The following PKP4 variants were observed in gnomAD, a reference collection of about 807,000 sequenced individuals.
PKP4 encodes the protein plakophilin-4.
A neutral mutation model predicts 145.1 loss-of-function variants in PKP4; 90 were observed. The observed-to-expected ratio is 0.62, with a 90% CI of 0.52 to 0.74. PKP4 has a LOEUF of 0.74. Among genes scored for constraint, PKP4 ranks in the 30% least tolerant of loss-of-function variants. The pLI is 0.00. For missense variants in PKP4, 1,340 were observed against 1,482.7 expected, an observed-to-expected ratio of 0.90 and a Z score of 1.58; for synonymous variants, 563 against 577.2, an observed-to-expected ratio of 0.98 and a Z score of 0.35.
At chr2:158,641,805 A>G (rs1397743204) in intron 10 of PKP4, among the ~76,000 whole-genome samples, 2 of 152,204 alleles carry the variant, frequency 1.3e-5, no homozygotes, top group African/African-American at 2.4e-5. Flanking sequence ...ATTATTTCCT[A>G]TATTGCCTCA....
chr2:158,675,267 G>A lies in PKP4; in HGVS notation c.3127+1267G>A, dbSNP rs376966578. On this transcript the variant is annotated intron_variant, in intron 19 of 21. Coordinates refer to ENST00000389759, the MANE Select transcript of PKP4 (RefSeq NM_003628.6). ...TTTATGCGTCCCAGGATGGCTTTGC[G>A]GCCCAACACAAATTTGTAAATTTTC... 6.3e-4 allele frequency among the ~76,000 whole-genome samples: 95 copies of A among 151,918 alleles called. 1 individual carries two copies. The highest frequency in any genetic ancestry group is 2.7e-3 in the South Asian group (13 of 4,788).
intron 3 of PKP4, among the ~76,000 whole-genome samples, chr2:158,583,182 CT>C (rs1287396685): frequency 6.6e-6 from 1 of 152,118 alleles, no homozygotes; most frequent in African/African-American, 2.4e-5. Flanking sequence ...GGGACTTGTT[CT>C]TTTATTCCCT....
chr2:158,610,583 A>G (rs1451701076), intron 4 of PKP4, among the ~76,000 whole-genome samples: 1 of 152,190 alleles, frequency 6.6e-6, no homozygotes, highest in Non-Finnish European at 1.5e-5. Context: ...TATGCTACCC[A>G]TCAGAAAGAA....
At chr2:158,630,367 T>C (rs910722283) in intron 7 of PKP4, among the ~76,000 whole-genome samples, 5 of 152,250 alleles carry the variant, frequency 3.3e-5, no homozygotes, top group African/African-American at 4.8e-5. Context: ...ACTACTAACT[T>C]TGTACTTTTT....
chr2:158,541,436 G>A (rs1258116503), intron 2 of PKP4, among the ~76,000 whole-genome samples: 1 of 152,064 alleles, frequency 6.6e-6, no homozygotes, highest in Non-Finnish European at 1.5e-5. Flanking sequence ...GTAGTTCAAA[G>A]ACAAATCTAT....
intron 1 of PKP4, among the ~76,000 whole-genome samples, chr2:158,470,554 TA>T (rs1219345580): frequency 1.3e-5 from 2 of 152,200 alleles, no homozygotes; most frequent in Non-Finnish European, 2.9e-5. Flanking sequence ...CAACACAATC[TA>T]ATTCATTATT....
chr2:158,475,215 C>G (rs1250882159), intron 1 of PKP4, among the ~76,000 whole-genome samples: 1 of 152,134 alleles, frequency 6.6e-6, no homozygotes, highest in Non-Finnish European at 1.5e-5. Context: ...CCATTTGAAA[C>G]GCCAAGGACC....
intron 1 of PKP4, among the ~76,000 whole-genome samples, chr2:158,522,236 C>T (rs1478065267): frequency 1.3e-5 from 2 of 152,106 alleles, no homozygotes; most frequent in African/African-American, 4.8e-5. Context: ...TTTGCCATCT[C>T]TGGAAGATTT....
chr2:158,515,255 C>T (rs2041840045), intron 1 of PKP4, among the ~76,000 whole-genome samples: 1 of 152,138 alleles, frequency 6.6e-6, no homozygotes, highest in African/African-American at 2.4e-5. Flanking sequence ...CTAAAACTTG[C>T]ACCTGGCCTG....
intron 13 of PKP4, 130 bp from the exon 14 acceptor site, chr2:158,662,767 T>A: frequency 1.5e-6 from 1 of 670,496 alleles, no homozygotes; most frequent in Non-Finnish European, 2.4e-6. Flanking sequence ...TCAGATTGTT[T>A]CAAGTTCTCA....
intron 1 of PKP4, among the ~76,000 whole-genome samples, chr2:158,516,808 C>A (rs2041975672): frequency 6.6e-6 from 1 of 151,930 alleles, no homozygotes; most frequent in African/African-American, 2.4e-5. Flanking sequence ...ATTACAGGCA[C>A]TTGCCACCAT....
chr2:158,598,684 G>A (rs2049977303), intron 3 of PKP4, among the ~76,000 whole-genome samples: 1 of 152,138 alleles, frequency 6.6e-6, no homozygotes, highest in Admixed American at 6.5e-5. Flanking sequence ...GAGGAGAATG[G>A]TGTGAACCTG....
intron 1 of PKP4, among the ~76,000 whole-genome samples, chr2:158,473,945 A>G (rs1174338675): frequency 6.6e-6 from 1 of 152,196 alleles, no homozygotes; most frequent in Non-Finnish European, 1.5e-5. Context: ...AGGAAAGGGG[A>G]GGACTCTGAT....
chr2:158,630,813 A>T (rs2053273671), intron 7 of PKP4, among the ~76,000 whole-genome samples: 1 of 152,248 alleles, frequency 6.6e-6, no homozygotes, highest in Admixed American at 6.5e-5. Flanking sequence ...TCTCTGTTTG[A>T]TCAGCATCAT....
chr2:158,556,278 A>G (rs746337429), intron 2 of PKP4, among the ~76,000 whole-genome samples: 3 of 152,210 alleles, frequency 2.0e-5, no homozygotes, highest in Non-Finnish European at 4.4e-5. Flanking sequence ...ATGGCTTACA[A>G]TTTAGTTTAA....
chr2:158,484,823 G>A (rs776072249), intron 1 of PKP4, among the ~76,000 whole-genome samples: 2 of 152,202 alleles, frequency 1.3e-5, no homozygotes, highest in South Asian at 4.1e-4. Flanking sequence ...GCTGAAAACT[G>A]CTCATAAGTG....
At chr2:158,656,026 C>T (rs2528584) in intron 11 of PKP4, among the ~76,000 whole-genome samples, 99,830 of 151,804 alleles carry the variant, frequency 0.66, 36,003 homozygotes, top group East Asian at 0.91. Flanking sequence ...GCTTAGCTCC[C>T]GGATCCTTTC....
At chr2:158,577,629 C>T (rs1360497143) in intron 3 of PKP4, among the ~76,000 whole-genome samples, 1 of 152,156 alleles carries the variant, frequency 6.6e-6, no homozygotes, top group East Asian at 1.9e-4. Flanking sequence ...CCTTCAGATT[C>T]CTCATATGTA....
chr2:158,498,237 C>T (rs1481642260), intron 1 of PKP4, among the ~76,000 whole-genome samples: 1 of 152,120 alleles, frequency 6.6e-6, no homozygotes, highest in African/African-American at 2.4e-5. Context: ...ATCCTCCCAC[C>T]TCAGCCTGCC....
Sources: gnomAD v4.1 joint callset for allele counts (sites outside exome capture counted in the v4.1 genomes callset) on GRCh38, gnomAD v4.1.1 for gene constraint, MANE v1.5 for transcripts, NCBI Gene and HGNC (gene_info 2026-07-23, HGNC 2026-07-21) for gene names.